CENATAC: variants seen among roughly 807,000 people sequenced by gnomAD.
CENATAC encodes the protein centrosomal AT-AC splicing factor, also known as coiled-coil domain containing 84.
In CENATAC, 53 loss-of-function variants were observed where a neutral mutation model predicts 53.7. The ratio of observed to expected loss-of-function variants is 0.99; its 90% CI spans 0.79 to 1.24. The LOEUF (loss-of-function observed/expected upper bound fraction) is 1.24. Among genes scored for constraint, CENATAC ranks in the 50% most tolerant of loss-of-function variants. The pLI, the probability that CENATAC is intolerant of heterozygous loss-of-function variation, is 0.00. For synonymous variants in CENATAC, 156 were observed against 144.6 expected (o/e 1.08, Z -0.57); for missense variants, 474 against 417.8 (o/e 1.13, Z -1.17).
chr11:119,010,682 T>C, intron 3 of CENATAC, 82 bp from the exon 4 acceptor site: 1 of 1,258,958 alleles, frequency 7.9e-7, no homozygotes, highest in Non-Finnish European at 1.1e-6. Flanking sequence ...TTTCTCAAAA[T>C]TAAAAAAATA....
intron 3 of CENATAC, among the ~76,000 whole-genome samples, chr11:119,008,947 GTT>G (rs1480848195): frequency 6.6e-6 from 1 of 152,136 alleles, no homozygotes; most frequent in African/African-American, 2.4e-5. Flanking sequence ...TACAACACAT[GTT>G]TTTGTGAGCT....
chr11:119,008,822 C>T (rs1476647890), intron 3 of CENATAC, among the ~76,000 whole-genome samples: 1 of 152,140 alleles, frequency 6.6e-6, no homozygotes, highest in Non-Finnish European at 1.5e-5. Flanking sequence ...GCATTGTGCC[C>T]CTGGTTTATT....
At chr11:119,014,882 CTTT>C (rs1412828919) in intron 8 of CENATAC, 109 bp from the exon 9 acceptor site, 6 of 691,170 alleles carry the variant, frequency 8.7e-6, no homozygotes, top group Non-Finnish European at 1.2e-5. Context: ...CTGGGCTTTG[CTTT>C]TAGACATTTC....
In CENATAC at chr11:119,015,423, C is replaced by T. The variant is rs200160466; in HGVS notation, c.922C>T (p.Arg308Cys). Reference sequence around the variant, plus strand: ...TTTTGGCCGCGTCTGGAATAATGGACGCCGCTGGCAGTCCAGGTATGTGTG... The same window carrying T: ...TTTTGGCCGCGTCTGGAATAATGGATGCCGCTGGCAGTCCAGGTATGTGTG... ...PSFGRVWNNG[R>C]RWQSRHQFKT... The change falls in exon 10 of 11, where the codon CGC (arginine) becomes TGC (cysteine). Residue 308 changes from arginine to cysteine, a missense_variant. Arg to Cys is a radical substitution (Grantham distance 180, BLOSUM62 -3). Transcript: ENST00000334418. The T allele has an allele frequency of 8.7e-5, 140 of 1,614,088 alleles. No individual in the cohort carries two copies. Among genetic ancestry groups the T allele is most frequent in the Non-Finnish European group, 1.1e-4 (129 of 1,179,960 alleles).
intron 3 of CENATAC, chr11:119,003,524 C>T (rs1022875748): frequency 5.3e-6 from 2 of 374,144 alleles, no homozygotes; most frequent in East Asian, 6.3e-5. Context: ...TCTCGAACTC[C>T]TGACCTCAAA....
At chr11:119,013,195 C>T (rs372657791) in intron 7 of CENATAC, 37 bp from the exon 8 acceptor site, 4 of 1,554,546 alleles carry the variant, frequency 2.6e-6, no homozygotes, top group African/African-American at 1.4e-5. Context: ...CATGCCTAGA[C>T]TTTAACTAGC....
chr11:119,015,777 AG>A lies in CENATAC; in HGVS notation c.*180del. On this transcript the variant is annotated 3_prime_UTR_variant, in exon 11 of 11. Coordinates refer to ENST00000334418, the MANE Select transcript of CENATAC (RefSeq NM_198489.3). The stretch of plus-strand genomic sequence containing the variant: ...GTTGGACCTGTAAAAAAAAATTAAA[AG>A]AATCAGAACCATAAAGCTTTGTATC... The A allele has an allele frequency of 7.5e-7, 1 of 1,337,628 alleles. No homozygotes were observed. Among genetic ancestry groups the A allele is most frequent in the Non-Finnish European group, 1.1e-6 (1 of 945,338 alleles). The allele number at this position is 1,337,628 out of a possible 1,614,324, so 82.9% of individuals were successfully genotyped here.
At position 119,012,154 on chromosome 11, in the gene CENATAC, T is replaced by G; in HGVS notation, c.584T>G (p.Val195Gly). ...GCCTGGCTCATGTTTTTCAGCCAAGTAGCTTCCAGCTTACAGCAGCCCTCA... is the reference window on the plus strand; with the variant it reads ...GCCTGGCTCATGTTTTTCAGCCAAGGAGCTTCCAGCTTACAGCAGCCCTCA... ...PRSWKGMNSQVASSLQQPSNL... is the reference protein window; with the variant it reads ...PRSWKGMNSQGASSLQQPSNL... The change falls in exon 7 of 11, where the codon GTA becomes GGA. Residue 195 changes from valine (V) to glycine (G), a missense_variant. By Grantham distance (109) the Val-to-Gly change is moderately radical (BLOSUM62 -3). Transcript: ENST00000334418. The G allele has an allele frequency of 6.2e-7, 1 of 1,614,194 alleles. No homozygotes were observed. The highest frequency in any genetic ancestry group is 2.2e-5 in the East Asian group (1 of 44,876).
At chr11:119,006,586 G>T (rs187514317) in intron 3 of CENATAC, among the ~76,000 whole-genome samples, 206 of 152,258 alleles carry the variant, frequency 1.4e-3, no homozygotes, top group African/African-American at 4.7e-3. Context: ...GGCCAGGATG[G>T]TCTCGATCTC....
intron 1 of CENATAC, 23 bp from the exon 2 acceptor site, chr11:118,998,407 T>C (rs1942119129): frequency 1.2e-6 from 2 of 1,612,592 alleles, no homozygotes; most frequent in African/African-American, 2.7e-5. Context: ...CCCTCGGGGT[T>C]CTACTTGGCC....
chr11:118,999,240 C>T, intron 3 of CENATAC, 131 bp downstream of exon 3: 1 of 663,842 alleles, frequency 1.5e-6, no homozygotes, highest in Non-Finnish European at 2.7e-6. Context: ...CATAGCACTT[C>T]TTATTCTAGG....
At chr11:119,003,009 A>C in intron 3 of CENATAC, 1 of 517,174 alleles carries the variant, frequency 1.9e-6, no homozygotes, top group South Asian at 1.4e-5. Context: ...AACTGGACTC[A>C]GTTGAGATGA....
intron 3 of CENATAC, chr11:119,009,958 T>C (rs11607569): frequency 0.2 from 31,144 of 151,966 alleles, 3,363 homozygotes; most frequent in Middle Eastern, 0.33. Flanking sequence ...CCAGCATGGG[T>C]GACATGGCAA....
intron 3 of CENATAC, among the ~76,000 whole-genome samples, chr11:119,009,308 G>A (rs1392764492): frequency 6.6e-6 from 1 of 151,994 alleles, no homozygotes; most frequent in Non-Finnish European, 1.5e-5. Context: ...TTGTGTTTTT[G>A]TAGAGACAGG....
At chr11:119,005,127 G>A (rs1263188043) in intron 3 of CENATAC, among the ~76,000 whole-genome samples, 4 of 151,762 alleles carry the variant, frequency 2.6e-5, no homozygotes, top group Admixed American at 1.3e-4. Flanking sequence ...AAGAAAACAC[G>A]GAGGAGTCTG....
chr11:119,011,344 G>A, intron 5 of CENATAC, 61 bp downstream of exon 5: 3 of 1,506,588 alleles, frequency 2.0e-6, no homozygotes, highest in Non-Finnish European at 2.8e-6. Flanking sequence ...GGCATTCCCA[G>A]GTCCAGCATT....
intron 9 of CENATAC, 58 bp downstream of exon 9, chr11:119,015,141 C>T: frequency 2.6e-6 from 4 of 1,519,684 alleles, no homozygotes; most frequent in Admixed American, 3.5e-5. Flanking sequence ...AAATGGTTTC[C>T]TTGCCTGTGT....
chr11:119,005,886 A>G (rs967750114), intron 3 of CENATAC: 1 of 151,506 alleles, frequency 6.6e-6, no homozygotes, highest in Admixed American at 6.6e-5. Context: ...CAGTCTGTAC[A>G]GTCCATTATT....
chr11:119,010,509 T>G, intron 3 of CENATAC: 3 of 482,176 alleles, frequency 6.2e-6, no homozygotes, highest in Non-Finnish European at 3.7e-6. Context: ...TCTTGGGAGA[T>G]GTGTGTTGAA....
Sources: allele counts gnomAD v4.1 joint callset (sites outside exome capture counted in the v4.1 genomes callset), GRCh38; gene constraint gnomAD v4.1.1; transcripts MANE v1.5; gene names NCBI Gene and HGNC (gene_info 2026-07-23, HGNC 2026-07-21).